PDE11A: variants seen among roughly 807,000 people sequenced by gnomAD.
PDE11A encodes phosphodiesterase 11A, also known as dual 3',5'-cyclic-AMP and -GMP phosphodiesterase 11A.
Under a neutral mutation model 100.5 loss-of-function variants are expected in PDE11A, and 100 were observed. That is an observed-to-expected ratio of 1.00 (90% CI 0.85 to 1.18). The LOEUF (loss-of-function observed/expected upper bound fraction) is 1.18, where lower values mean the gene tolerates loss of function less well. Ranked by LOEUF, PDE11A falls within the 50% of genes most tolerant of loss-of-function variation. The pLI is 0.00. For missense variants in PDE11A, 1,141 were observed against 1,152.6 expected (o/e 0.99, Z 0.15); for synonymous variants, 381 against 420.8 (o/e 0.91, Z 1.16).
chr2:178,072,937 G>C, upstream of PDE11A: 9 of 985,386 alleles, frequency 9.1e-6, no homozygotes, highest in Non-Finnish European at 1.1e-5. Flanking sequence ...GTCTCTGGAC[G>C]GCCGGAATCG....
intron 4 of PDE11A, among the ~76,000 whole-genome samples, chr2:177,879,912 A>C (rs1312268429): frequency 6.6e-6 from 1 of 152,246 alleles, no homozygotes; most frequent in African/African-American, 2.4e-5. Flanking sequence ...CATAAATTAC[A>C]AGCTGAAAAG....
At chr2:178,070,846 A>ATGC (rs2087117343) in intron 1 of PDE11A, among the ~76,000 whole-genome samples, 1 of 152,244 alleles carries the variant, frequency 6.6e-6, no homozygotes, top group Non-Finnish European at 1.5e-5. Flanking sequence ...ACTACAGATA[A>ATGC]TGCTATATTT....
intron 1 of PDE11A, among the ~76,000 whole-genome samples, chr2:178,105,391 G>A (rs1049774563): frequency 7.2e-5 from 11 of 152,104 alleles, no homozygotes; most frequent in Non-Finnish European, 7.4e-5. Flanking sequence ...CCTGGGAGGC[G>A]GAGGTTGCAG....
At chr2:177,796,783 G>C (rs905354738) in intron 9 of PDE11A, among the ~76,000 whole-genome samples, 8 of 152,130 alleles carry the variant, frequency 5.3e-5, no homozygotes, top group African/African-American at 1.9e-4. Flanking sequence ...GCAGGCAAAG[G>C]CATGGCTGTT....
chr2:177,697,194 AAAC>A, intron 15 of PDE11A, 135 bp downstream of exon 15: 1 of 668,000 alleles, frequency 1.5e-6, no homozygotes, highest in Non-Finnish European at 2.8e-6. Flanking sequence ...TATCAGAGAG[AAAC>A]AACAACAAAA....
intron 12 of PDE11A, among the ~76,000 whole-genome samples, chr2:177,722,458 C>T (rs1187934128): frequency 6.6e-6 from 1 of 152,136 alleles, no homozygotes; most frequent in Admixed American, 6.6e-5. Flanking sequence ...GTTATTAGCA[C>T]ACCAGGTTCT....
chr2:177,955,297 A>G (rs1472277214), intron 2 of PDE11A, among the ~76,000 whole-genome samples: 1 of 152,200 alleles, frequency 6.6e-6, no homozygotes, highest in African/African-American at 2.4e-5. Flanking sequence ...GAGTATGTGT[A>G]TACATATATA....
chr2:177,675,453 G>A lies in PDE11A; in HGVS notation c.2487+2C>T, dbSNP rs1436976916. On this transcript the variant is annotated splice_donor_variant, in intron 17 of 19. Transcript: ENST00000286063. LOFTEE classifies it low-confidence loss of function (GC_TO_GT_DONOR). ...TGAGCCCTGCCATTAATCACCACTT[G>A]CCTGTCTGGAGATCTCCCACGGTTT... The A allele has an allele frequency of 6.2e-7, 1 of 1,608,906 alleles. No individual in the cohort carries two copies. Among genetic ancestry groups the A allele is most frequent in the Non-Finnish European group, 8.5e-7 (1 of 1,175,540 alleles).
chr2:177,679,833 A>G (rs6433689), intron 16 of PDE11A, among the ~76,000 whole-genome samples: 151,965 of 152,136 alleles, frequency 1, 75,897 homozygotes, highest in Middle Eastern at 1. Flanking sequence ...GGTTGGGGTA[A>G]GGGGCGAGGA....
intron 19 of PDE11A, among the ~76,000 whole-genome samples, chr2:177,645,991 A>G (rs1356610612): frequency 6.6e-6 from 1 of 152,076 alleles, no homozygotes; most frequent in Non-Finnish European, 1.5e-5. Context: ...CTGACCTCTC[A>G]AGTTACTTGT....
intron 2 of PDE11A, among the ~76,000 whole-genome samples, chr2:178,094,952 C>G (rs1224220392): frequency 6.6e-6 from 1 of 152,166 alleles, no homozygotes; most frequent in African/African-American, 2.4e-5. Context: ...CCAATCACCT[C>G]CCACCAGGTC....
chr2:177,859,834 T>C (rs1174612437), intron 5 of PDE11A, among the ~76,000 whole-genome samples: 1 of 151,574 alleles, frequency 6.6e-6, no homozygotes, highest in Non-Finnish European at 1.5e-5. Flanking sequence ...TTCACAAATA[T>C]TGGTTAGTAA....
intron 7 of PDE11A, among the ~76,000 whole-genome samples, chr2:177,818,261 T>TCTTGGGCAGAGTTTCTAAGGACTTCCC (rs1558953617): frequency 7.3e-6 from 1 of 137,828 alleles, no homozygotes; most frequent in Admixed American, 7.2e-5. Flanking sequence ...TGTGTGTGTA[T>TCTTGGGCAGAGTTTCTAAGGACTTCCC]TCAGCTACAT....
intron 12 of PDE11A, among the ~76,000 whole-genome samples, chr2:177,713,482 T>C (rs1402574367): frequency 6.6e-6 from 1 of 152,014 alleles, no homozygotes; most frequent in Non-Finnish European, 1.5e-5. Context: ...CCCAGCACTT[T>C]GGGAGGCCGA....
At position 177,962,462 on chromosome 2, in the gene PDE11A, T is replaced by C. The variant is rs577647827; in HGVS notation, c.1071+51840A>G. Among the ~76,000 whole-genome samples, 58 of 152,136 alleles carry C rather than the reference T, an allele frequency of 3.8e-4. No homozygotes were observed. In the South Asian group the frequency reaches 0.012, roughly 31 times the overall value. ...ATAGTATACTATCATGGATATAAAA[T>C]ATATTATAAATAAAGGAAAACATCG... On this transcript the variant is annotated intron_variant, in intron 2 of 19. Coordinates refer to ENST00000286063, the MANE Select transcript of PDE11A (RefSeq NM_016953.4).
Position 177,680,827 on chromosome 2 carries a change from G to T in PDE11A, c.2422C>A (p.Arg808=). The T allele has an allele frequency of 1.3e-6, 2 of 1,550,046 alleles. No individual in the cohort carries two copies. The highest frequency in any genetic ancestry group is 1.8e-6 in the Non-Finnish European group (2 of 1,123,336). The stretch of plus-strand genomic sequence containing the variant: ...ACATAAACAAGAGCTTTTTCTTACC[G>T]AAATATATCACGATGGTTTTTGATG... ...WNIKNHRDIF[R]SMLMTACDLG... Residue 808 remains arginine (R), a splice_region_variant and synonymous_variant, in exon 16 of 20, where the codon CGA becomes AGA. Transcript: ENST00000286063.
At chr2:178,086,494 A>G (rs1473247839) in intron 2 of PDE11A, among the ~76,000 whole-genome samples, 1 of 152,184 alleles carries the variant, frequency 6.6e-6, no homozygotes, top group Admixed American at 6.5e-5. Context: ...ATTCTTATCT[A>G]TGGTAGAGAT....
chr2:178,090,582 G>A (rs1258135329), intron 2 of PDE11A, among the ~76,000 whole-genome samples: 3 of 151,880 alleles, frequency 2.0e-5, no homozygotes, highest in South Asian at 2.1e-4. Context: ...GGCTTTTATC[G>A]GTGCCACCAA....
At chr2:177,979,609 A>ATTTTTTTT (rs2085854850) in intron 2 of PDE11A, among the ~76,000 whole-genome samples, 6 of 72,550 alleles carry the variant, frequency 8.3e-5, no homozygotes, top group African/African-American at 1.2e-4. Flanking sequence ...TCCTCAGATG[A>ATTTTTTTT]TCTTTTTTTT....
Sources: allele counts gnomAD v4.1 joint callset (sites outside exome capture counted in the v4.1 genomes callset), GRCh38; gene constraint gnomAD v4.1.1; transcripts MANE v1.5; gene names NCBI Gene and HGNC (gene_info 2026-07-23, HGNC 2026-07-21).